GRIP1: variants seen among roughly 807,000 people sequenced by gnomAD.
GRIP1 encodes the protein glutamate receptor-interacting protein 1.
GRIP1 carries 45 observed loss-of-function variants against 129.9 expected under a neutral mutation model. The ratio of observed to expected loss-of-function variants is 0.35; its 90% confidence interval spans 0.27 to 0.44. GRIP1 has a LOEUF of 0.44. GRIP1 is among the 20% of genes least tolerant of loss of function. The pLI is 1.00. For synonymous variants in GRIP1, 530 were observed against 520.8 expected, an observed-to-expected ratio of 1.02 and a Z score of -0.24; for missense variants, 1,196 against 1,396.8, an observed-to-expected ratio of 0.86 and a Z score of 2.29.
intron 1 of GRIP1, among the ~76,000 whole-genome samples, chr12:66,606,946 C>T (rs2064559080): frequency 6.6e-6 from 1 of 151,958 alleles, no homozygotes; most frequent in Non-Finnish European, 1.5e-5. Flanking sequence ...TCTCTCTTAG[C>T]CACCACGATA....
At chr12:66,848,293 C>T (rs1256279127) in intron 1 of GRIP1, among the ~76,000 whole-genome samples, 1 of 151,878 alleles carries the variant, frequency 6.6e-6, no homozygotes, top group Non-Finnish European at 1.5e-5. Context: ...CTTCTTTCTC[C>T]TAACATTAAT....
intron 1 of GRIP1, among the ~76,000 whole-genome samples, chr12:67,049,782 A>G (rs1283677714): frequency 1.3e-5 from 2 of 152,080 alleles, no homozygotes; most frequent in Admixed American, 1.3e-4. Context: ...TCATTGATAA[A>G]ATGAGGATAA....
intron 9 of GRIP1, among the ~76,000 whole-genome samples, chr12:66,459,290 G>T (rs1282035652): frequency 6.6e-6 from 1 of 152,198 alleles, no homozygotes; most frequent in African/African-American, 2.4e-5. Context: ...GTCCCTAATG[G>T]ATTCTCTCTC....
intron 1 of GRIP1, among the ~76,000 whole-genome samples, chr12:66,705,885 C>G (rs1421268850): frequency 2.0e-5 from 3 of 152,142 alleles, no homozygotes; most frequent in Non-Finnish European, 4.4e-5. Flanking sequence ...CCCTTCCTCA[C>G]ACCTTATATA....
rs2062922453 is a variant in GRIP1 at position 66,570,443 on chromosome 12, CA to C, written c.136+26403del. Among the ~76,000 whole-genome samples, 3 of 152,080 alleles carry C rather than the reference CA, an allele frequency of 2.0e-5. 1 individual carries two copies. The South Asian group carries it at 6.2e-4, about 32-fold the overall frequency. On this transcript the variant is annotated intron_variant, in intron 2 of 24. Transcript: ENST00000359742. The stretch of plus-strand genomic sequence containing the variant: ...AAATTCTTCCAGAGAAGATAGAGAC[CA>C]AATAGGCATATCTCTAAGTCCTAGG...
chr12:66,444,456 G>A (rs369370648), intron 13 of GRIP1, 128 bp downstream of exon 13: 46 of 759,360 alleles, frequency 6.1e-5, no homozygotes, highest in Middle Eastern at 3.6e-4. Flanking sequence ...ACTGCAGTCC[G>A]CAGTCCAGCC....
At chr12:67,016,114 C>T (rs1051660567) in intron 1 of GRIP1, among the ~76,000 whole-genome samples, 1 of 152,178 alleles carries the variant, frequency 6.6e-6, no homozygotes, top group African/African-American at 2.4e-5. Context: ...TATATATTTG[C>T]TTAAGATGCA....
chr12:66,464,556 T>C (rs549206969), intron 8 of GRIP1, among the ~76,000 whole-genome samples: 127 of 152,190 alleles, frequency 8.3e-4, no homozygotes, highest in Non-Finnish European at 1.4e-3. Flanking sequence ...TTGTCAACAA[T>C]TCAGGAAAAC....
chr12:66,634,156 T>C (rs2031127320), intron 1 of GRIP1, among the ~76,000 whole-genome samples: 1 of 152,228 alleles, frequency 6.6e-6, no homozygotes, highest in African/African-American at 2.4e-5. Context: ...TAGCATTCAT[T>C]CCACGAAAAG....
Position 66,815,854 on chromosome 12 carries a change from T to TTCTTTCTTTCTTTCTTTCTCTCTC in GRIP1, c.59-218928_59-218927insGAGAGAGAAAGAAAGAAAGAAAGA, listed in dbSNP as rs1555241802. ...TTTCTTTCTTTCTTTCTTTCTTTCT[T>TTCTTTCTTTCTTTCTTTCTCTCTC]TCTCTCTCTCTCTCTCTCTCTCTCT... On this transcript the variant is annotated intron_variant, in intron 1 of 1. Transcript: ENST00000643019. Among the ~76,000 whole-genome samples, 298 of 116,778 alleles carry TTCTTTCTTTCTTTCTTTCTCTCTC rather than the reference T, an allele frequency of 2.6e-3. 2 individuals carry two copies. The highest frequency in any genetic ancestry group is 6.1e-3 in the African/African-American group (189 of 30,806). The allele number at this position is 116,778 out of a possible 152,430, so 76.6% of individuals were successfully genotyped here.
At chr12:66,501,893 C>T (rs1453782577) in intron 7 of GRIP1, among the ~76,000 whole-genome samples, 2 of 152,076 alleles carry the variant, frequency 1.3e-5, no homozygotes, top group African/African-American at 4.8e-5. Flanking sequence ...TGGCTTTACA[C>T]CTACTGTGAG....
chr12:66,932,128 A>C (rs189974747), intron 1 of GRIP1, among the ~76,000 whole-genome samples: 31 of 102,494 alleles, frequency 3.0e-4, no homozygotes, highest in African/African-American at 8.4e-4. Context: ...TATTAAATAA[A>C]TATAAAGGCT....
Position 66,937,366 on chromosome 12 carries a change from C to T in GRIP1, c.58+131684G>A, listed in dbSNP as rs555460903. On this transcript the variant is annotated intron_variant, in intron 1 of 1. Transcript: ENST00000643019. ...ATCTGCTCCGCCAGTAGAACGTAAG[C>T]TCCATGAGAGCAAGGGTCTGTGTTG... Among the ~76,000 whole-genome samples, 12 of 152,346 alleles carry T rather than the reference C, an allele frequency of 7.9e-5. No homozygotes were observed. In the South Asian group the frequency reaches 2.3e-3, roughly 29 times the overall value.
At chr12:66,732,290 C>T (rs867856622) in intron 1 of GRIP1, among the ~76,000 whole-genome samples, 1 of 152,124 alleles carries the variant, frequency 6.6e-6, no homozygotes, top group Non-Finnish European at 1.5e-5. Flanking sequence ...GTGGCTCACA[C>T]CTGTAATCCC....
intron 1 of GRIP1, among the ~76,000 whole-genome samples, chr12:66,768,412 C>T (rs56689518): frequency 0.035 from 5,273 of 152,220 alleles, 197 homozygotes; most frequent in African/African-American, 0.096. Flanking sequence ...TCTTGTTGTC[C>T]GGAACTTGCA....
At chr12:67,003,309 T>C (rs2042579171) in intron 1 of GRIP1, among the ~76,000 whole-genome samples, 1 of 152,230 alleles carries the variant, frequency 6.6e-6, no homozygotes, top group African/African-American at 2.4e-5. Flanking sequence ...ATTATGTTTT[T>C]TCATTTATAG....
At chr12:66,363,602 A>G (rs1270879254) in intron 23 of GRIP1, among the ~76,000 whole-genome samples, 1 of 151,942 alleles carries the variant, frequency 6.6e-6, no homozygotes, top group Non-Finnish European at 1.5e-5. Context: ...ATTCCTTGCT[A>G]ATGAGTTAAA....
In GRIP1 at chr12:66,593,642, C is replaced by T. The variant is rs147768805; in HGVS notation, c.136+3205G>A. 1.4e-3 allele frequency among the ~76,000 whole-genome samples: 212 copies of T among 152,280 alleles called. 1 individual carries two copies. The highest frequency in any genetic ancestry group is 4.8e-3 in the African/African-American group (199 of 41,554). On this transcript the variant is annotated intron_variant, in intron 2 of 24. Transcript: ENST00000359742. ...TTAAGGTGCCTTCTGCTACTTTACA[C>T]TCTTTTTCCACTGCATTCCACCCCA... is the stretch of plus-strand genomic sequence containing the variant.
intron 7 of GRIP1, among the ~76,000 whole-genome samples, chr12:66,511,424 T>C (rs1276976146): frequency 1.3e-5 from 2 of 152,176 alleles, no homozygotes; most frequent in East Asian, 1.9e-4. Flanking sequence ...GGGAATATAA[T>C]ATTTAACACT....
Sources: allele counts gnomAD v4.1 joint callset (sites outside exome capture counted in the v4.1 genomes callset), GRCh38; gene constraint gnomAD v4.1.1; transcripts MANE v1.5; gene names NCBI Gene and HGNC (gene_info 2026-07-23, HGNC 2026-07-21).